The following SCMH1 variants were observed in gnomAD, a reference collection of about 807,000 sequenced individuals.
SCMH1 encodes the protein polycomb protein SCMH1.
A neutral mutation model predicts 70.8 loss-of-function variants in SCMH1; 37 were observed. That is an observed-to-expected ratio of 0.52 (90% confidence interval 0.40 to 0.69). SCMH1 has a LOEUF of 0.69. SCMH1 is among the 30% of genes least tolerant of loss of function. SCMH1 has a pLI of 0.00. For synonymous variants in SCMH1, 292 were observed against 307.4 expected, an observed-to-expected ratio of 0.95 and a Z score of 0.52; for missense variants, 607 against 827.3, an observed-to-expected ratio of 0.73 and a Z score of 3.27.
intron 8 of SCMH1, among the ~76,000 whole-genome samples, chr1:41,089,937 A>T (rs917154846): frequency 9.9e-5 from 15 of 151,660 alleles, no homozygotes; most frequent in African/African-American, 3.6e-4. Context: ...GACTACAGGC[A>T]TGTGCCACCA....
chr1:41,201,614 G>C (rs1044545512), intron 1 of SCMH1, among the ~76,000 whole-genome samples: 1 of 152,136 alleles, frequency 6.6e-6, no homozygotes, highest in East Asian at 1.9e-4. Flanking sequence ...TTCTGGTTGG[G>C]AAACTCTGAG....
chr1:41,200,794 G>T (rs1042958582), intron 1 of SCMH1, among the ~76,000 whole-genome samples: 2 of 152,114 alleles, frequency 1.3e-5, no homozygotes, highest in African/African-American at 4.8e-5. Context: ...AGGTTTTCTG[G>T]AGTGAAGATT....
At chr1:41,236,540 G>A (rs1281753616) in intron 1 of SCMH1, among the ~76,000 whole-genome samples, 1 of 152,224 alleles carries the variant, frequency 6.6e-6, no homozygotes, top group Non-Finnish European at 1.5e-5. Context: ...ATGGAAGACA[G>A]ACCGTTTGAT....
chr1:41,131,070 A>C (rs984696061), intron 6 of SCMH1, among the ~76,000 whole-genome samples: 1 of 152,110 alleles, frequency 6.6e-6, no homozygotes, highest in African/African-American at 2.4e-5. Context: ...CTTGAAATTA[A>C]TTTTTGTATA....
intron 8 of SCMH1, among the ~76,000 whole-genome samples, chr1:41,108,118 G>C (rs1044623923): frequency 1.2e-4 from 18 of 152,126 alleles, no homozygotes; most frequent in Admixed American, 2.6e-4. Flanking sequence ...AAGGAGGCCT[G>C]GTTGACCATG....
intron 2 of SCMH1, among the ~76,000 whole-genome samples, chr1:41,181,029 T>C (rs1648586948): frequency 6.6e-6 from 1 of 152,128 alleles, no homozygotes; most frequent in Non-Finnish European, 1.5e-5. Context: ...AATAGAGCCC[T>C]CAGAAATAAC....
At chr1:41,099,300 T>C (rs982135581) in intron 8 of SCMH1, among the ~76,000 whole-genome samples, 1 of 152,128 alleles carries the variant, frequency 6.6e-6, no homozygotes, top group Non-Finnish European at 1.5e-5. Flanking sequence ...CTCATTCTAC[T>C]CCCAACACAC....
chr1:41,212,806 AT>A (rs1476474862), intron 1 of SCMH1, among the ~76,000 whole-genome samples: 1 of 152,182 alleles, frequency 6.6e-6, no homozygotes, highest in Non-Finnish European at 1.5e-5. Flanking sequence ...ATGCAGCATC[AT>A]TTTTTTAAAT....
At chr1:41,081,368 T>C (rs1308636224) in intron 8 of SCMH1, among the ~76,000 whole-genome samples, 1 of 152,184 alleles carries the variant, frequency 6.6e-6, no homozygotes, top group African/African-American at 2.4e-5. Flanking sequence ...CTAAAAAATG[T>C]GTGGTGTATG....
At chr1:41,231,805 G>A (rs567005180) in intron 1 of SCMH1, among the ~76,000 whole-genome samples, 2 of 152,074 alleles carry the variant, frequency 1.3e-5, no homozygotes, top group East Asian at 1.9e-4. Flanking sequence ...GGCAGATCAC[G>A]AGGTCAGGAG....
Position 41,186,107 on chromosome 1 carries a change from A to G in SCMH1, c.13+14T>C. On this transcript the variant is annotated intron_variant, in intron 2 of 14. Coordinates refer to ENST00000337495, the Ensembl canonical transcript of SCMH1. ...ATCCCTCTTACCTCCACGATAGGGT[A>G]AAAAGATACTTACCATTAGGCTGCA... is the stretch of plus-strand genomic sequence containing the variant. 3.2e-6 allele frequency: 5 copies of G among 1,546,738 alleles called. No homozygotes were observed. The highest frequency in any genetic ancestry group is 4.4e-6 in the Non-Finnish European group (5 of 1,143,886).
chr1:41,197,477 G>A (rs529747990), intron 1 of SCMH1, among the ~76,000 whole-genome samples: 159 of 152,234 alleles, frequency 1.0e-3, no homozygotes, highest in Non-Finnish European at 2.0e-3. Context: ...CTTACAGGAC[G>A]AACCTATAAT....
intron 1 of SCMH1, among the ~76,000 whole-genome samples, chr1:41,216,549 C>G (rs1658124873): frequency 1.3e-5 from 2 of 152,190 alleles, no homozygotes; most frequent in Admixed American, 1.3e-4. Context: ...AGTAAAGCCT[C>G]CATCCCTGCA....
intron 8 of SCMH1, among the ~76,000 whole-genome samples, chr1:41,110,376 T>G (rs1275104679): frequency 6.6e-6 from 1 of 152,158 alleles, no homozygotes; most frequent in African/African-American, 2.4e-5. Flanking sequence ...ATATTCAGAG[T>G]TGTGCAAACA....
intron 1 of SCMH1, among the ~76,000 whole-genome samples, chr1:41,203,582 G>T (rs1654849476): frequency 6.6e-6 from 1 of 152,178 alleles, no homozygotes; most frequent in Non-Finnish European, 1.5e-5. Context: ...AATCTCTGCA[G>T]CACTGTGACT....
At chr1:41,080,859 A>G (rs1659793329) in intron 8 of SCMH1, among the ~76,000 whole-genome samples, 1 of 152,168 alleles carries the variant, frequency 6.6e-6, no homozygotes, top group South Asian at 2.1e-4. Context: ...TTATGGGATA[A>G]AACAAAATAA....
At chr1:41,183,491 C>A (rs984782969) in intron 2 of SCMH1, among the ~76,000 whole-genome samples, 1 of 152,056 alleles carries the variant, frequency 6.6e-6, no homozygotes, top group African/African-American at 2.4e-5. Context: ...CCTATTTATT[C>A]CTCACAGTCC....
At chr1:41,127,870 G>A (rs1217972679) in intron 6 of SCMH1, among the ~76,000 whole-genome samples, 2 of 152,116 alleles carry the variant, frequency 1.3e-5, no homozygotes, top group African/African-American at 2.4e-5. Context: ...AGCAAGAAGA[G>A]GACCCTCAGC....
chr1:41,233,118 G>A (rs959749365), intron 1 of SCMH1, among the ~76,000 whole-genome samples: 4 of 152,060 alleles, frequency 2.6e-5, no homozygotes, highest in Admixed American at 6.6e-5. Context: ...AATCATTCAC[G>A]GCAACTCCTT....
Sources: allele counts gnomAD v4.1 joint callset (sites outside exome capture counted in the v4.1 genomes callset), GRCh38; gene constraint gnomAD v4.1.1; transcripts MANE v1.5; gene names NCBI Gene and HGNC (gene_info 2026-07-23, HGNC 2026-07-21).